Variants in ELAPOR1 observed in about 807,000 individuals in gnomAD.
The protein encoded by ELAPOR1 is endosome-lysosome associated apoptosis and autophagy regulator 1, also known as endosome/lysosome-associated apoptosis and autophagy regulator 1.
ELAPOR1 carries 77 observed loss-of-function variants against 119.7 expected under a neutral mutation model. The observed-to-expected ratio is 0.64, with a 90% CI of 0.54 to 0.78. ELAPOR1 has a LOEUF of 0.78. Among genes scored for constraint, ELAPOR1 ranks in the 30% least tolerant of loss-of-function variants. The pLI is 0.00. For synonymous variants in ELAPOR1, 481 were observed against 487.2 expected (o/e 0.99, Z 0.17); for missense variants, 1,115 against 1,270.4 (o/e 0.88, Z 1.86).
At position 109,173,748 on chromosome 1, in the gene ELAPOR1, G is replaced by T. The variant is rs1652071334; in HGVS notation, c.863G>T (p.Gly288Val). 6.2e-7 allele frequency: 1 copy of T among 1,613,984 alleles called. No individual in the cohort carries two copies. ...CCTGGCACGTATGCAGACAAGCAGGGCTCCTCTTTCTGCAAACTTTGCCCA... is the reference window on the plus strand; with the variant it reads ...CCTGGCACGTATGCAGACAAGCAGGTCTCCTCTTTCTGCAAACTTTGCCCA... Reference protein sequence around the residue: ...CKPGTYADKQGSSFCKLCPAN... With the variant: ...CKPGTYADKQVSSFCKLCPAN... The change falls in exon 7 of 22, where the codon GGC becomes GTC. Residue 288 changes from glycine to valine, a missense_variant. Coordinates refer to ENST00000369939, the MANE Select transcript of ELAPOR1 (RefSeq NM_020775.5).
intron 10 of ELAPOR1, 21 bp downstream of exon 10, chr1:109,189,215 C>G: frequency 6.2e-7 from 1 of 1,609,678 alleles, no homozygotes; most frequent in Non-Finnish European, 8.5e-7. Flanking sequence ...CTCCCTGTGC[C>G]ATGAGCTGTC....
chr1:109,189,306 C>T, intron 10 of ELAPOR1, 112 bp downstream of exon 10: 1 of 1,330,212 alleles, frequency 7.5e-7, no homozygotes, highest in Non-Finnish European at 1.0e-6. Context: ...CTAACCATGT[C>T]ATGCATTCCC....
chr1:109,172,482 T>C lies in ELAPOR1; in HGVS notation c.616-6T>C. 1 of 1,610,422 alleles carries C rather than the reference T, an allele frequency of 6.2e-7. No homozygotes were observed. The highest frequency in any genetic ancestry group is 2.2e-5 in the East Asian group (1 of 44,844). On this transcript the variant is annotated splice_region_variant and splice_polypyrimidine_tract_variant and intron_variant, in intron 4 of 21. Transcript: ENST00000369939. ...AGACTCTGGTCCCAAACTCTTTTTA[T>C]GTCAGGTTCAGAATGACCAGTGCCA...
At chr1:109,178,702 C>T (rs1218690186) in intron 7 of ELAPOR1, among the ~76,000 whole-genome samples, 1 of 152,166 alleles carries the variant, frequency 6.6e-6, no homozygotes. Context: ...TGGCGGCTCA[C>T]GCCTGTAATC....
At chr1:109,188,468 G>A in intron 9 of ELAPOR1, 114 bp downstream of exon 9, 6 of 1,256,160 alleles carry the variant, frequency 4.8e-6, no homozygotes, top group Non-Finnish European at 5.5e-6. Context: ...GAGGCAGTAA[G>A]GAATAAGGAC....
At chr1:109,165,732 ACTT>A (rs1054056962) in intron 3 of ELAPOR1, among the ~76,000 whole-genome samples, 19 of 145,424 alleles carry the variant, frequency 1.3e-4, no homozygotes, top group Middle Eastern at 3.5e-3. Context: ...TTGGGTGCTA[ACTT>A]CTTCTTCTTC....
At chr1:109,195,568 T>G (rs1291033941) in intron 15 of ELAPOR1, among the ~76,000 whole-genome samples, 1 of 152,178 alleles carries the variant, frequency 6.6e-6, no homozygotes, top group Non-Finnish European at 1.5e-5. Context: ...AAGGAAAGGT[T>G]TTTTTCCCTT....
intron 20 of ELAPOR1, 44 bp from the exon 21 acceptor site, chr1:109,200,691 C>T (rs1221446247): frequency 2.5e-6 from 4 of 1,590,082 alleles, no homozygotes; most frequent in African/African-American, 2.7e-5. Flanking sequence ...CCCCCTTATT[C>T]CCACATTTTG....
At chr1:109,143,352 CAT>C (rs1196676633) in intron 1 of ELAPOR1, among the ~76,000 whole-genome samples, 3 of 152,124 alleles carry the variant, frequency 2.0e-5, no homozygotes, top group Non-Finnish European at 4.4e-5. Flanking sequence ...AGAAGCCAGA[CAT>C]AAAAGACCAC....
At chr1:109,170,345 T>C (rs1402326177) in intron 3 of ELAPOR1, among the ~76,000 whole-genome samples, 1 of 152,146 alleles carries the variant, frequency 6.6e-6, no homozygotes, top group Admixed American at 6.5e-5. Flanking sequence ...CATTACACCA[T>C]TGTATAGGTC....
At chr1:109,151,587 T>C (rs1650532873) in intron 1 of ELAPOR1, among the ~76,000 whole-genome samples, 1 of 152,176 alleles carries the variant, frequency 6.6e-6, no homozygotes, top group African/African-American at 2.4e-5. Context: ...GAACTCATGT[T>C]CCAAATTCTG....
At chr1:109,166,931 A>T (rs1433407268) in intron 3 of ELAPOR1, among the ~76,000 whole-genome samples, 3 of 152,228 alleles carry the variant, frequency 2.0e-5, no homozygotes, top group Non-Finnish European at 4.4e-5. Context: ...AATGTTTCCC[A>T]TTCCTATACT....
rs36071384 is a variant in ELAPOR1, at chr1:109,147,996, A to ATT, written c.154-13885_154-13884dup. On this transcript the variant is annotated intron_variant, in intron 1 of 21. Transcript: ENST00000369939. ...AGGTGCCCGCCACCACGCCCGGCTA[A>ATT]TTTTTTTTTTTTTTGTATTTTTAGT... 2.7e-3 allele frequency among the ~76,000 whole-genome samples: 373 copies of ATT among 139,890 alleles called. 4 individuals are homozygous for ATT. Among genetic ancestry groups the ATT allele is most frequent in the Admixed American group, 7.2e-3 (100 of 13,938 alleles). 91.8% of individuals were successfully genotyped at this position (139,890 alleles called of 152,430 possible).
intron 3 of ELAPOR1, among the ~76,000 whole-genome samples, chr1:109,171,385 T>TAA (rs946026840): frequency 2.0e-5 from 3 of 150,506 alleles, no homozygotes; most frequent in Non-Finnish European, 4.4e-5. Flanking sequence ...CTGTCTCTAC[T>TAA]AAAAAAAAAT....
At chr1:109,141,739 C>T (rs1472479322) in intron 1 of ELAPOR1, among the ~76,000 whole-genome samples, 1 of 151,672 alleles carries the variant, frequency 6.6e-6, no homozygotes, top group Admixed American at 6.6e-5. Flanking sequence ...AATCATGGCT[C>T]ACTGCAGCCC....
intron 3 of ELAPOR1, among the ~76,000 whole-genome samples, chr1:109,165,156 G>A (rs1460703343): frequency 2.0e-5 from 3 of 152,160 alleles, no homozygotes; most frequent in Non-Finnish European, 4.4e-5. Context: ...GCCAGGTGTG[G>A]TGGTGCATGT....
intron 8 of ELAPOR1, chr1:109,187,958 A>C (rs1055659392): frequency 2.1e-5 from 27 of 1,296,208 alleles, no homozygotes; most frequent in Non-Finnish European, 2.6e-5. Context: ...CACCCAGGCA[A>C]CATTCATTTG....
At chr1:109,161,377 T>TC (rs1041538512) in intron 1 of ELAPOR1, among the ~76,000 whole-genome samples, 10 of 121,402 alleles carry the variant, frequency 8.2e-5, no homozygotes, top group Non-Finnish European at 1.3e-4. Context: ...CCCACTGCAC[T>TC]CCAGCCTGGG....
In ELAPOR1 at chr1:109,205,597, T is replaced by TTG. The variant is rs1302166399; in HGVS notation, c.*2585_*2586insTG. On this transcript the variant is annotated 3_prime_UTR_variant, in exon 22 of 22. Transcript: ENST00000369939. ...TCCTGAGCTCCAGCCTAAAGTCTTC[T>TTG]GTAGCCTCAGCAATACTTGGGCACC... 6.6e-6 allele frequency: 1 copy of TTG among 152,206 alleles called. No individual in the cohort carries two copies. The allele number at this position is 152,206 out of a possible 1,614,324, so 9.4% of individuals were successfully genotyped here.
Sources: allele counts gnomAD v4.1 joint callset (sites outside exome capture counted in the v4.1 genomes callset), GRCh38; gene constraint gnomAD v4.1.1; transcripts MANE v1.5; gene names NCBI Gene and HGNC (gene_info 2026-07-23, HGNC 2026-07-21).